The following MYO16 variants were observed in gnomAD, a reference collection of about 807,000 sequenced individuals.
The protein encoded by MYO16 is unconventional myosin-XVI.
Under a neutral mutation model 205.3 loss-of-function variants are expected in MYO16, and 94 were observed. That is an observed-to-expected ratio of 0.46 (90% CI 0.39 to 0.54). The LOEUF (loss-of-function observed/expected upper bound fraction) is 0.54, where lower values mean the gene tolerates loss of function less well. Among genes scored for constraint, MYO16 ranks in the 20% least tolerant of loss-of-function variants. The pLI, the probability that MYO16 is intolerant of heterozygous loss-of-function variation, is 0.00. For synonymous variants in MYO16, 988 were observed against 954.0 expected (o/e 1.04, Z -0.66); for missense variants, 2,315 against 2,387.5 (o/e 0.97, Z 0.63).
At chr13:109,013,212 C>T (rs564896880) in intron 22 of MYO16, among the ~76,000 whole-genome samples, 3 of 148,020 alleles carry the variant, frequency 2.0e-5, no homozygotes, top group East Asian at 2.0e-4. Flanking sequence ...TGAGAACATG[C>T]GGTGTTTGGT....
chr13:108,695,883 A>T (rs898591719), intron 2 of MYO16, among the ~76,000 whole-genome samples: 2 of 152,208 alleles, frequency 1.3e-5, no homozygotes, highest in African/African-American at 4.8e-5. Context: ...ACAGTTGAAA[A>T]CTAATGTGAT....
chr13:108,828,123 G>T lies in MYO16; in HGVS notation c.1097+4845G>T, dbSNP rs556870979. Among the ~76,000 whole-genome samples the T allele has an allele frequency of 6.6e-5, 10 of 152,290 alleles. No homozygotes were observed. In the South Asian group the frequency reaches 1.2e-3, roughly 19 times the overall value. ...TTAACTCTCAGAACAACACCTGGAC[G>T]CATGTCCTGTTACTTAACCATTTGA... On this transcript the variant is annotated intron_variant, in intron 9 of 34. Transcript: ENST00000457511.
At chr13:109,050,277 T>C (rs941596613) in intron 24 of MYO16, among the ~76,000 whole-genome samples, 1 of 152,160 alleles carries the variant, frequency 6.6e-6, no homozygotes. Flanking sequence ...TGACTTTTTT[T>C]AATGCCAGTT....
chr13:108,650,642 C>A (rs2139400011), intron 1 of MYO16, among the ~76,000 whole-genome samples: 1 of 152,252 alleles, frequency 6.6e-6, no homozygotes, highest in South Asian at 2.1e-4. Context: ...AAGAGAACTT[C>A]TCTTTTGGGA....
At chr13:108,886,073 C>T (rs143729967) in intron 13 of MYO16, among the ~76,000 whole-genome samples, 2,256 of 152,082 alleles carry the variant, frequency 0.015, 53 homozygotes, top group African/African-American at 0.052. Context: ...CTGCAAGCTC[C>T]GCCTCCCGGG....
intron 14 of MYO16, among the ~76,000 whole-genome samples, chr13:108,890,761 A>T (rs423438): frequency 0.061 from 9,320 of 152,300 alleles, 321 homozygotes; most frequent in Middle Eastern, 0.092. Flanking sequence ...CCCTTGAGTG[A>T]GTCTCTGTTC....
At chr13:108,747,806 T>C (rs1306812407) in intron 4 of MYO16, among the ~76,000 whole-genome samples, 3 of 151,934 alleles carry the variant, frequency 2.0e-5, no homozygotes, top group Non-Finnish European at 4.4e-5. Context: ...AATATAAAGA[T>C]GCAGACAGGA....
chr13:108,532,723 C>T, the MYO16 span, among the ~76,000 whole-genome samples: 1 of 151,778 alleles, frequency 6.6e-6, no homozygotes, highest in Non-Finnish European at 1.5e-5. Context: ...CCTGGGAGGT[C>T]GAGACTGCAG....
At chr13:109,156,481 A>G (rs181477092) in intron 32 of MYO16, among the ~76,000 whole-genome samples, 116 of 152,338 alleles carry the variant, frequency 7.6e-4, no homozygotes, top group African/African-American at 2.8e-3. Context: ...TATGCCTTAC[A>G]TAGCACTCTC....
the MYO16 span, among the ~76,000 whole-genome samples, chr13:108,518,264 G>A: frequency 6.6e-6 from 1 of 152,174 alleles, no homozygotes; most frequent in Admixed American, 6.5e-5. Flanking sequence ...GGTGGTGTTG[G>A]AGATGGTTGC....
chr13:108,646,058 CT>C (rs1566526026), intron 1 of MYO16, among the ~76,000 whole-genome samples: 1 of 152,192 alleles, frequency 6.6e-6, no homozygotes, highest in East Asian at 1.9e-4. Context: ...TAGGTGACCC[CT>C]GTCCTCTGGG....
chr13:108,978,567 C>G (rs277792), intron 20 of MYO16, among the ~76,000 whole-genome samples: 2,497 of 152,092 alleles, frequency 0.016, 55 homozygotes, highest in African/African-American at 0.057. Context: ...TTCATTTATA[C>G]TGCAAACCCT....
intron 24 of MYO16, among the ~76,000 whole-genome samples, chr13:109,047,482 G>A (rs961921345): frequency 3.3e-4 from 50 of 152,088 alleles, no homozygotes; most frequent in African/African-American, 1.2e-3. Flanking sequence ...AAGTTTAAAT[G>A]TATAGGACCC....
intron 4 of MYO16, among the ~76,000 whole-genome samples, chr13:108,743,394 T>A (rs1884968243): frequency 6.6e-6 from 1 of 152,210 alleles, no homozygotes; most frequent in Non-Finnish European, 1.5e-5. Context: ...TTATTTTAAG[T>A]AGTTTTGTTT....
chr13:108,764,608 A>C (rs72668518), intron 4 of MYO16, among the ~76,000 whole-genome samples: 1 of 152,184 alleles, frequency 6.6e-6, no homozygotes, highest in Non-Finnish European at 1.5e-5. Flanking sequence ...GAAATGCAAT[A>C]TAAATGACTC....
chr13:108,855,323 C>A, intron 10 of MYO16, 120 bp from the exon 11 acceptor site: 40 of 341,652 alleles, frequency 1.2e-4, no homozygotes, highest in East Asian at 2.5e-4. Flanking sequence ...CTCTTAATAA[C>A]AGTTCCTAAC....
chr13:109,126,392 G>T (rs551952833), intron 30 of MYO16, among the ~76,000 whole-genome samples: 2 of 152,280 alleles, frequency 1.3e-5, no homozygotes, highest in South Asian at 4.1e-4. Flanking sequence ...GCCACAGAAA[G>T]ATATAATTAT....
intron 9 of MYO16, among the ~76,000 whole-genome samples, chr13:108,823,484 A>G (rs57536976): frequency 0.011 from 1,672 of 152,270 alleles, 31 homozygotes; most frequent in African/African-American, 0.038. Flanking sequence ...CAATCTTACT[A>G]TATCAGTTAT....
At chr13:108,903,452 C>T (rs1270209148) in intron 15 of MYO16, among the ~76,000 whole-genome samples, 1 of 152,100 alleles carries the variant, frequency 6.6e-6, no homozygotes, top group African/African-American at 2.4e-5. Flanking sequence ...TACTGTATCT[C>T]TGTATTGATG....
Sources: allele counts gnomAD v4.1 joint callset (sites outside exome capture counted in the v4.1 genomes callset), GRCh38; gene constraint gnomAD v4.1.1; transcripts MANE v1.5; gene names NCBI Gene and HGNC (gene_info 2026-07-23, HGNC 2026-07-21).